The following ABCC8 variants were observed in gnomAD, a reference collection of about 807,000 sequenced individuals.
ABCC8 encodes ATP binding cassette subfamily C member 8, also known as ATP-binding cassette sub-family C member 8.
In ABCC8, 137 loss-of-function variants were observed where a neutral mutation model predicts 188.0. That is an observed-to-expected ratio of 0.73 (90% CI 0.63 to 0.84). The LOEUF is 0.84. Among genes scored for constraint, ABCC8 ranks in the 40% least tolerant of loss-of-function variants. ABCC8 has a pLI of 0.00. For missense variants in ABCC8, 1,750 were observed against 2,072.7 expected, an observed-to-expected ratio of 0.84 and a Z score of 3.02; for synonymous variants, 797 against 846.5, an observed-to-expected ratio of 0.94 and a Z score of 1.01.
chr11:17,421,026 G>C (rs1955316013), intron 16 of ABCC8, among the ~76,000 whole-genome samples: 1 of 152,202 alleles, frequency 6.6e-6, no homozygotes, highest in African/African-American at 2.4e-5. Context: ...TGACGTGAGG[G>C]ACAAGCTCGG....
intron 7 of ABCC8, among the ~76,000 whole-genome samples, chr11:17,450,262 C>CT: frequency 3.2e-5 from 2 of 62,132 alleles, no homozygotes; most frequent in Non-Finnish European, 6.8e-5. Flanking sequence ...CTTTCTTTCT[C>CT]TTTCTTTCTT....
intron 22 of ABCC8, among the ~76,000 whole-genome samples, chr11:17,410,080 T>C (rs1169306651): frequency 6.6e-6 from 1 of 152,100 alleles, no homozygotes; most frequent in African/African-American, 2.4e-5. Flanking sequence ...TGCTATTGTT[T>C]GGTTCCATAT....
intron 16 of ABCC8, among the ~76,000 whole-genome samples, chr11:17,420,457 T>G (rs569351231): frequency 4.7e-4 from 71 of 152,306 alleles, no homozygotes; most frequent in African/African-American, 1.6e-3. Context: ...GTCTGTCAGC[T>G]GTCTCACCAC....
intron 16 of ABCC8, among the ~76,000 whole-genome samples, chr11:17,425,637 C>A (rs1390136370): frequency 1.3e-5 from 2 of 152,150 alleles, no homozygotes; most frequent in Admixed American, 6.5e-5. Context: ...TTACCCTCTT[C>A]ATTTCTCAGT....
At chr11:17,410,950 G>T (rs573686484) in intron 21 of ABCC8, among the ~76,000 whole-genome samples, 1 of 152,250 alleles carries the variant, frequency 6.6e-6, no homozygotes, top group Non-Finnish European at 1.5e-5. Context: ...GGTGTTCCAG[G>T]TGCTTTATAA....
intron 7 of ABCC8, among the ~76,000 whole-genome samples, chr11:17,450,311 T>TC: frequency 3.7e-5 from 5 of 135,588 alleles, no homozygotes; most frequent in African/African-American, 1.6e-4. Flanking sequence ...TCTTTCTTTC[T>TC]TTCTTTCTTT....
intron 4 of ABCC8, 29 bp downstream of exon 4, chr11:17,463,409 C>T (rs145986097): frequency 2.5e-6 from 4 of 1,573,976 alleles, no homozygotes; most frequent in African/African-American, 1.3e-5. Context: ...CTGCTTCCCA[C>T]CCCACCCTGG....
intron 16 of ABCC8, among the ~76,000 whole-genome samples, chr11:17,426,398 T>A (rs543649284): frequency 6.6e-6 from 1 of 152,356 alleles, no homozygotes; most frequent in South Asian, 2.1e-4. Flanking sequence ...TGAGATGGTA[T>A]CTCATTGTGG....
At chr11:17,456,322 A>G (rs1008611857) in intron 6 of ABCC8, among the ~76,000 whole-genome samples, 7 of 152,060 alleles carry the variant, frequency 4.6e-5, no homozygotes, top group Admixed American at 3.9e-4. Flanking sequence ...CACATTTTGC[A>G]TTTGAGGCTT....
At chr11:17,445,279 GC>G (rs1303453420) in intron 8 of ABCC8, among the ~76,000 whole-genome samples, 3 of 152,230 alleles carry the variant, frequency 2.0e-5, no homozygotes, top group African/African-American at 7.2e-5. Context: ...AGTTTCACTA[GC>G]CTTTCAAAAG....
intron 3 of ABCC8, among the ~76,000 whole-genome samples, chr11:17,467,790 G>C (rs4148604): frequency 0.29 from 44,743 of 152,166 alleles, 6,898 homozygotes; most frequent in Middle Eastern, 0.45. Flanking sequence ...ACTTTTCCCT[G>C]TTCTAGAATT....
chr11:17,446,726 T>C (rs1956544351), intron 8 of ABCC8, among the ~76,000 whole-genome samples: 1 of 152,164 alleles, frequency 6.6e-6, no homozygotes, highest in African/African-American at 2.4e-5. Context: ...GGGGATGGCA[T>C]ATATGACTGT....
intron 29 of ABCC8, 94 bp downstream of exon 29, chr11:17,402,567 T>G: frequency 6.2e-7 from 1 of 1,611,318 alleles, no homozygotes; most frequent in Non-Finnish European, 8.5e-7. Flanking sequence ...TCCTTGGCCT[T>G]CCCAAGTGGA....
rs2133680142 is a variant in ABCC8 at position 17,461,750 on chromosome 11, G to A, written c.655C>T (p.Gln219Ter). 1.9e-6 allele frequency: 3 copies of A among 1,614,174 alleles called. No homozygotes were observed. The highest frequency in any genetic ancestry group is 1.3e-5 in the African/African-American group (1 of 75,054). Residue 219 changes from glutamine (Q) to a stop codon, truncating the protein, a stop_gained, in exon 5 of 39, where the codon CAG (glutamine) becomes TAG (stop). Transcript: ENST00000389817. LOFTEE classifies it high-confidence loss of function. ...TTGGACAGCAGATTCACGAAGGGCT[G>A]CAGGAAGCGTACCCCCAGGTCTTGC... Reference protein sequence around the residue: ...DLQDLGVRFLQPFVNLLSKGT... With the variant: ...DLQDLGVRFL
At chr11:17,448,413 C>G (rs1012589031) in intron 8 of ABCC8, 103 bp downstream of exon 8, 1 of 1,040,706 alleles carries the variant, frequency 9.6e-7, no homozygotes, top group African/African-American at 1.6e-5. Flanking sequence ...TACAGGCAAG[C>G]ATGGAGTGGA....
chr11:17,416,471 TA>T (rs1056356381), intron 17 of ABCC8, among the ~76,000 whole-genome samples: 6 of 151,358 alleles, frequency 4.0e-5, no homozygotes, highest in South Asian at 2.1e-4. Flanking sequence ...TCCTGTCACT[TA>T]AAAAAAAATC....
intron 3 of ABCC8, among the ~76,000 whole-genome samples, chr11:17,467,374 TG>T (rs1386972892): frequency 1.3e-5 from 2 of 152,158 alleles, no homozygotes; most frequent in Non-Finnish European, 2.9e-5. Context: ...CCCAAGGTGG[TG>T]CCACTGCACT....
intron 21 of ABCC8, 111 bp downstream of exon 21, chr11:17,412,555 C>T (rs1954863656): frequency 7.0e-7 from 1 of 1,425,432 alleles, no homozygotes; most frequent in Non-Finnish European, 9.7e-7. Flanking sequence ...GAGGGATTTA[C>T]TCCTGGAGAG....
intron 20 of ABCC8, chr11:17,413,050 C>A (rs1045276768): frequency 1.6e-5 from 10 of 632,300 alleles, no homozygotes; most frequent in Middle Eastern, 4.4e-4. Context: ...ACAGGAGAAT[C>A]CTGTTCGTCT....
Sources: allele counts gnomAD v4.1 joint callset (sites outside exome capture counted in the v4.1 genomes callset), GRCh38; gene constraint gnomAD v4.1.1; transcripts MANE v1.5; gene names NCBI Gene and HGNC (gene_info 2026-07-23, HGNC 2026-07-21).